Variants in MAPRE2 observed in about 807,000 individuals in gnomAD.
MAPRE2 encodes microtubule associated protein RP/EB family member 2, also known as microtubule-associated protein RP/EB family member 2.
MAPRE2 carries 13 observed loss-of-function variants against 43.2 expected under a neutral mutation model. The ratio of observed to expected loss-of-function variants is 0.30; its 90% CI spans 0.20 to 0.48. The LOEUF (loss-of-function observed/expected upper bound fraction) is 0.48, where lower values mean the gene tolerates loss of function less well. Among genes scored for constraint, MAPRE2 ranks in the 20% least tolerant of loss-of-function variants. MAPRE2 has a pLI of 0.99. For missense variants in MAPRE2, 161 were observed against 400.2 expected (o/e 0.40, Z 5.10); for synonymous variants, 135 against 148.8 (o/e 0.91, Z 0.68).
intron 1 of MAPRE2, among the ~76,000 whole-genome samples, chr18:35,057,167 A>C (rs1906273003): frequency 1.3e-5 from 2 of 152,120 alleles, no homozygotes; most frequent in Non-Finnish European, 2.9e-5. Context: ...GACACATGCC[A>C]ACATGTCTGG....
chr18:35,066,713 C>T (rs1320764351), intron 1 of MAPRE2, among the ~76,000 whole-genome samples: 7 of 152,196 alleles, frequency 4.6e-5, no homozygotes, highest in Admixed American at 1.3e-4. Context: ...ACTTCACTTG[C>T]GGGAGGTTCA....
At chr18:35,033,646 A>G in intron 2 of MAPRE2, among the ~76,000 whole-genome samples, 1 of 149,854 alleles carries the variant, frequency 6.7e-6, no homozygotes, top group Non-Finnish European at 1.5e-5. Context: ...CCTTAAGCTG[A>G]TAAGCAACTT....
chr18:35,104,319 A>C (rs1908807968), intron 4 of MAPRE2, among the ~76,000 whole-genome samples: 1 of 152,202 alleles, frequency 6.6e-6, no homozygotes, highest in South Asian at 2.1e-4. Context: ...CAGTAAGAGT[A>C]GATTCAACCT....
At chr18:35,023,407 G>C (rs2097043145) in intron 2 of MAPRE2, among the ~76,000 whole-genome samples, 1 of 151,942 alleles carries the variant, frequency 6.6e-6, no homozygotes, top group South Asian at 2.1e-4. Flanking sequence ...AGCTACTCGG[G>C]TGGCTGAGGC....
chr18:35,051,956 T>A (rs1254293462), intron 1 of MAPRE2, among the ~76,000 whole-genome samples: 1 of 152,236 alleles, frequency 6.6e-6, no homozygotes, highest in Non-Finnish European at 1.5e-5. Context: ...TAAAAATCTA[T>A]AATCTTTTTG....
intron 1 of MAPRE2, among the ~76,000 whole-genome samples, chr18:35,057,076 G>A (rs147052270): frequency 7.9e-5 from 12 of 152,140 alleles, no homozygotes; most frequent in South Asian, 4.2e-4. Flanking sequence ...GTGCAATGGC[G>A]CAATCTCAGC....
At chr18:35,136,516 G>T (rs949719788) in intron 6 of MAPRE2, among the ~76,000 whole-genome samples, 1 of 152,202 alleles carries the variant, frequency 6.6e-6, no homozygotes, top group Non-Finnish European at 1.5e-5. Flanking sequence ...GATAAAAGCC[G>T]CCTGGAGGAC....
At chr18:35,026,169 A>C (rs2097045032) in intron 2 of MAPRE2, among the ~76,000 whole-genome samples, 1 of 151,966 alleles carries the variant, frequency 6.6e-6, no homozygotes, top group Non-Finnish European at 1.5e-5. Context: ...GCAGCGGGAG[A>C]GGAATGGGCA....
chr18:35,130,120 T>G (rs1449522364), intron 5 of MAPRE2, among the ~76,000 whole-genome samples: 1 of 151,822 alleles, frequency 6.6e-6, no homozygotes, highest in Non-Finnish European at 1.5e-5. Flanking sequence ...TTTTCGTGGG[T>G]TGGATGTGTC....
intron 1 of MAPRE2, among the ~76,000 whole-genome samples, chr18:34,983,221 C>G (rs1051412766): frequency 1.3e-5 from 2 of 152,136 alleles, no homozygotes; most frequent in African/African-American, 4.8e-5. Context: ...CAACTAATCA[C>G]TAAAAATAAA....
chr18:35,059,748 G>C (rs867195848), intron 1 of MAPRE2, among the ~76,000 whole-genome samples: 2 of 152,184 alleles, frequency 1.3e-5, no homozygotes, highest in Non-Finnish European at 2.9e-5. Context: ...TGAAGCATGA[G>C]ATGCAGCCAA....
intron 1 of MAPRE2, among the ~76,000 whole-genome samples, chr18:35,043,062 A>G (rs1905446594): frequency 6.6e-6 from 1 of 152,208 alleles, no homozygotes; most frequent in Admixed American, 6.5e-5. Flanking sequence ...TTGATATGGC[A>G]TTCTTACAGA....
intron 2 of MAPRE2, among the ~76,000 whole-genome samples, chr18:35,094,544 C>T (rs531393084): frequency 5.5e-4 from 84 of 152,158 alleles, no homozygotes; most frequent in African/African-American, 1.7e-3. Flanking sequence ...TGGTGGGGAA[C>T]GAATAGATTA....
At chr18:35,077,321 A>C (rs902219678) in intron 2 of MAPRE2, among the ~76,000 whole-genome samples, 2 of 151,834 alleles carry the variant, frequency 1.3e-5, no homozygotes, top group Non-Finnish European at 2.9e-5. Context: ...ATTAGTGGGA[A>C]TCTCATATTT....
intron 1 of MAPRE2, among the ~76,000 whole-genome samples, chr18:34,985,628 T>TATATATTATAATAATATATAACATATG (rs2097020423): frequency 1.0e-5 from 1 of 99,054 alleles, no homozygotes; most frequent in Non-Finnish European, 1.9e-5. Context: ...ATATATAACA[T>TATATATTATAATAATATATAACATATG]ATATATTATA....
At chr18:35,020,971 G>A (rs1249443802) in intron 2 of MAPRE2, among the ~76,000 whole-genome samples, 1 of 152,148 alleles carries the variant, frequency 6.6e-6, no homozygotes, top group Non-Finnish European at 1.5e-5. Flanking sequence ...AGAATTAGGG[G>A]TATCCTGGAA....
rs79390346 is a variant in MAPRE2 at position 35,012,903 on chromosome 18, G to C, written c.-8+7350G>C. 4.7e-4 allele frequency among the ~76,000 whole-genome samples: 71 copies of C among 152,254 alleles called. No homozygotes were observed. The East Asian group carries it at 0.013, about 28-fold the overall frequency. On this transcript the variant is annotated intron_variant, in intron 2 of 7. Coordinates refer to the MAPRE2 transcript ENST00000413393. ...AAAATGGTTAAATTGGTAAAATTTT[G>C]TTATATGCATTTTACTACAATGTGA...
At chr18:35,036,230 C>T (rs1212493730) in intron 2 of MAPRE2, among the ~76,000 whole-genome samples, 1 of 152,036 alleles carries the variant, frequency 6.6e-6, no homozygotes, top group Admixed American at 6.6e-5. Context: ...GCATCCACAT[C>T]CAATTAGTCA....
chr18:35,044,545 T>C (rs1471901661), intron 1 of MAPRE2, among the ~76,000 whole-genome samples: 2 of 152,234 alleles, frequency 1.3e-5, no homozygotes, highest in Non-Finnish European at 2.9e-5. Flanking sequence ...CTTTATTTTC[T>C]ACCTTTGCCT....
Sources: allele counts gnomAD v4.1 joint callset (sites outside exome capture counted in the v4.1 genomes callset), GRCh38; gene constraint gnomAD v4.1.1; transcripts MANE v1.5; gene names NCBI Gene and HGNC (gene_info 2026-07-23, HGNC 2026-07-21).